Variants in NT5C1B observed in about 807,000 individuals in gnomAD.
NT5C1B encodes the protein 5'-nucleotidase, cytosolic IB.
Under a neutral mutation model 57.8 loss-of-function variants are expected in NT5C1B, and 44 were observed. That is an observed-to-expected ratio of 0.76 (90% CI 0.60 to 0.98). The LOEUF (loss-of-function observed/expected upper bound fraction) is 0.98. Ranked by LOEUF, NT5C1B falls within the 50% of genes least tolerant of loss-of-function variation. The pLI is 0.00. For missense variants in NT5C1B, 742 were observed against 719.5 expected (o/e 1.03, Z -0.36); for synonymous variants, 284 against 282.6 (o/e 1.00, Z -0.05).
chr2:18,587,557 T>C (rs373948064), exon 2 of NT5C1B: 6 of 1,613,956 alleles, frequency 3.7e-6, no homozygotes, highest in Non-Finnish European at 5.1e-6. Context: ...TTTCTGCTTC[T>C]AGACTCTCTT....
chr2:18,565,483 A>G lies in NT5C1B; in HGVS notation c.1330-1364T>C, dbSNP rs914609428. 3.3e-5 allele frequency among the ~76,000 whole-genome samples: 5 copies of G among 152,174 alleles called. No homozygotes were observed. The East Asian group carries it at 9.6e-4, about 29-fold the overall frequency. Reference sequence around the variant, plus strand: ...ATAGAATCCATGATTTACATATAAGATTCTCCACAAGATCTTATAAGTAGT... The same window carrying G: ...ATAGAATCCATGATTTACATATAAGGTTCTCCACAAGATCTTATAAGTAGT... On this transcript the variant is annotated intron_variant, in intron 8 of 8. Coordinates refer to ENST00000304081, the Ensembl canonical transcript of NT5C1B.
At chr2:18,576,211 T>C (rs776561311) in exon 8 of NT5C1B, 11 of 1,612,746 alleles carry the variant, frequency 6.8e-6, no homozygotes, top group African/African-American at 1.3e-5. Flanking sequence ...TTTCACATAA[T>C]GTATCATACT....
chr2:18,583,980 G>C, intron 5 of NT5C1B, 108 bp downstream of exon 5: 1 of 1,591,780 alleles, frequency 6.3e-7, no homozygotes, highest in Non-Finnish European at 8.6e-7. Flanking sequence ...AGAATGACAA[G>C]GGTGGGCTAG....
At chr2:18,585,991 G>GTGCA (rs1263938471) in intron 3 of NT5C1B, among the ~76,000 whole-genome samples, 1 of 152,106 alleles carries the variant, frequency 6.6e-6, no homozygotes, top group Non-Finnish European at 1.5e-5. Context: ...AGGAGGAAGT[G>GTGCA]TGCAGCCTCT....
chr2:18,583,537 G>A (rs759066218), intron 5 of NT5C1B: 1 of 288,152 alleles, frequency 3.5e-6, no homozygotes. Flanking sequence ...CCAACAACTT[G>A]TAGAGGTGTC....
At chr2:18,567,354 C>T (rs1211210687) in intron 8 of NT5C1B, among the ~76,000 whole-genome samples, 1 of 152,172 alleles carries the variant, frequency 6.6e-6, no homozygotes, top group South Asian at 2.1e-4. Flanking sequence ...AACATTCTAA[C>T]TTTGGGAGAA....
chr2:18,584,543 T>G lies in NT5C1B; in HGVS notation c.694A>C (p.Lys232Gln), dbSNP rs758129826. The G allele has an allele frequency of 6.2e-7, 1 of 1,612,054 alleles. No individual in the cohort carries two copies. Among genetic ancestry groups the G allele is most frequent in the South Asian group, 1.1e-5 (1 of 90,766 alleles). The change falls in exon 4 of 9, where the codon AAG becomes CAG. Residue 232 changes from lysine (K) to glutamine (Q), a missense_variant. Transcript: ENST00000304081. This position sits in a 1 kb window ranked among gnomAD's most constrained non-coding sequence, Gnocchi z 5.8. ...CAGGGGCGCGAGCAGCTCGGGTTCT[T>G]CTCGTAGAACGACCTCATGGATGCC...
chr2:18,586,559 T>A (rs1666729808), intron 2 of NT5C1B, 168 bp from the exon 3 acceptor site: 1 of 1,049,636 alleles, frequency 9.5e-7, no homozygotes, highest in Non-Finnish European at 1.3e-6. Flanking sequence ...CTATTCTAAC[T>A]CTGGTCTAGT....
At chr2:18,566,134 A>G (rs1246527611) in intron 8 of NT5C1B, among the ~76,000 whole-genome samples, 2 of 152,120 alleles carry the variant, frequency 1.3e-5, no homozygotes, top group Non-Finnish European at 2.9e-5. Context: ...TTCATCTGTT[A>G]TTAGATTTTT....
chr2:18,568,087 G>GACACACAC (rs3046807), intron 8 of NT5C1B, among the ~76,000 whole-genome samples: 9,250 of 142,522 alleles, frequency 0.065, 367 homozygotes, highest in East Asian at 0.16. Flanking sequence ...AATGCTGTGG[G>GACACACAC]ACACACACAC....
intron 8 of NT5C1B, among the ~76,000 whole-genome samples, chr2:18,565,103 T>C (rs1443778951): frequency 6.6e-6 from 1 of 152,186 alleles, no homozygotes; most frequent in African/African-American, 2.4e-5. Flanking sequence ...TTTTGTTTTA[T>C]TTCTGTTTAT....
intron 6 of NT5C1B, among the ~76,000 whole-genome samples, chr2:18,581,258 G>T: frequency 6.6e-6 from 1 of 152,112 alleles, no homozygotes. Flanking sequence ...CTTTTAACAG[G>T]TTTGTACCTT....
At position 18,584,984 on chromosome 2, in the gene NT5C1B, G is replaced by T; in HGVS notation, c.259-6C>A. The T allele has an allele frequency of 1.9e-6, 3 of 1,558,124 alleles. No homozygotes were observed. The highest frequency in any genetic ancestry group is 2.6e-6 in the Non-Finnish European group (3 of 1,158,816). On this transcript the variant is annotated splice_polypyrimidine_tract_variant and splice_region_variant and intron_variant, in intron 3 of 8. Coordinates refer to ENST00000304081, the Ensembl canonical transcript of NT5C1B. The surrounding 1 kb of genome is among the most constrained non-coding windows in gnomAD (Gnocchi z 5.8). Reference sequence around the variant, plus strand: ...CTCGTGGAGCTGCTGGGGAGCTGCAGCAAGACAATGGGCGTCTGAAGTCGA... The same window carrying T: ...CTCGTGGAGCTGCTGGGGAGCTGCATCAAGACAATGGGCGTCTGAAGTCGA...
At chr2:18,574,628 A>T (rs974716095) in intron 8 of NT5C1B, among the ~76,000 whole-genome samples, 2 of 152,144 alleles carry the variant, frequency 1.3e-5, no homozygotes, top group African/African-American at 2.4e-5. Context: ...GGGATAAGAC[A>T]CAACATAATA....
exon 9 of NT5C1B, chr2:18,563,765 A>G (rs1664384413): frequency 6.7e-7 from 1 of 1,490,412 alleles, no homozygotes; most frequent in African/African-American, 1.4e-5. Flanking sequence ...GTAACACCAG[A>G]CTATCACCAC....
chr2:18,565,247 TTTGTACGG>T (rs1448183819), intron 8 of NT5C1B, among the ~76,000 whole-genome samples: 1 of 152,210 alleles, frequency 6.6e-6, no homozygotes, highest in East Asian at 1.9e-4. Context: ...AATTTGTTCA[TTTGTACGG>T]TTGTTTTAGT....
At chr2:18,571,706 C>CTGTG (rs1438297128) in intron 8 of NT5C1B, among the ~76,000 whole-genome samples, 62 of 104,442 alleles carry the variant, frequency 5.9e-4, no homozygotes, top group African/African-American at 2.5e-3. Flanking sequence ...CTCTCTTTCT[C>CTGTG]TCTGTGTGTG....
intron 2 of NT5C1B, chr2:18,587,110 A>G (rs1666783773): frequency 6.2e-7 from 1 of 1,614,146 alleles, no homozygotes; most frequent in Non-Finnish European, 8.5e-7. Flanking sequence ...CAGCGTCTAC[A>G]CGACGAGTGA....
intron 8 of NT5C1B, among the ~76,000 whole-genome samples, chr2:18,572,498 T>C (rs1330280355): frequency 6.6e-6 from 1 of 152,186 alleles, no homozygotes; most frequent in East Asian, 1.9e-4. Context: ...TGAAAGATGT[T>C]AGAATGAAAG....
Sources: allele counts gnomAD v4.1 joint callset (sites outside exome capture counted in the v4.1 genomes callset), GRCh38; gene constraint gnomAD v4.1.1; non-coding constraint Gnocchi (gnomAD v3.1); transcripts MANE v1.5; gene names NCBI Gene and HGNC (gene_info 2026-07-23, HGNC 2026-07-21).